Variants in CDH3 observed in about 807,000 individuals in gnomAD.
CDH3 encodes the protein cadherin-3.
CDH3 carries 54 observed loss-of-function variants against 82.0 expected under a neutral mutation model. That is an observed-to-expected ratio of 0.66 (90% CI 0.53 to 0.83). The LOEUF (loss-of-function observed/expected upper bound fraction) is 0.83, where lower values mean the gene tolerates loss of function less well. CDH3 is among the 40% of genes least tolerant of loss of function. CDH3 has a pLI of 0.00. For synonymous variants in CDH3, 446 were observed against 437.9 expected, an observed-to-expected ratio of 1.02 and a Z score of -0.23; for missense variants, 1,054 against 1,084.6, an observed-to-expected ratio of 0.97 and a Z score of 0.40.
At position 68,687,708 on chromosome 16, in the gene CDH3, C is replaced by T. The variant is rs1195535189; in HGVS notation, c.1767C>T (p.Ile589=). Residue 589 remains isoleucine (I), a synonymous_variant, in exon 12 of 16, where the codon ATC becomes ATT. Coordinates refer to ENST00000264012, the MANE Select transcript of CDH3 (RefSeq NM_001793.6). ...FQAQLTDDSD[I]YWTAEVNEEG... ...CCCAGCTCACAGATGACTCAGACATCTACTGGACGGCAGAGGTCAACGAGG... is the reference window on the plus strand; with the variant it reads ...CCCAGCTCACAGATGACTCAGACATTTACTGGACGGCAGAGGTCAACGAGG... The T allele has an allele frequency of 6.2e-6, 10 of 1,613,886 alleles. No individual in the cohort carries two copies. Among genetic ancestry groups the T allele is most frequent in the African/African-American group, 4.0e-5 (3 of 74,908 alleles).
In CDH3 at chr16:68,687,590, C is replaced by T. The variant is rs142150325; in HGVS notation, c.1649C>T (p.Pro550Leu). Residue 550 changes from proline (P) to leucine (L), a missense_variant, in exon 12 of 16, where the codon CCC becomes CTC. Transcript: ENST00000264012. ...DVNDHGPVPEPRQITICNQSP... is the reference protein window; with the variant it reads ...DVNDHGPVPELRQITICNQSP... Reference sequence around the variant, plus strand: ...AATGACCATGGCCCAGTCCCTGAGCCCCGTCAGATCACCATCTGCAACCAA... The same window carrying T: ...AATGACCATGGCCCAGTCCCTGAGCTCCGTCAGATCACCATCTGCAACCAA... 4.0e-5 allele frequency: 64 copies of T among 1,614,030 alleles called. No homozygotes were observed. The highest frequency in any genetic ancestry group is 4.7e-5 in the Non-Finnish European group (55 of 1,180,032).
At chr16:68,704,338 C>T (rs1193393289), downstream of CDH3, among the ~76,000 whole-genome samples, 1 of 151,826 alleles carries the variant, frequency 6.6e-6, no homozygotes, top group Non-Finnish European at 1.5e-5. Flanking sequence ...GGGTGCCTGG[C>T]GCACAGGATA....
rs1430631405 is a variant in CDH3 at position 68,645,658 on chromosome 16, C to T, written c.68C>T (p.Ala23Val). The stretch of plus-strand genomic sequence containing the variant: ...CAGGTTTGCTGGCTGCAGTGCGCGG[C>T]CTCCGAGCCGTGCCGGGCGGTCTTC... ...LLQVCWLQCA[A>V]SEPCRAVFRE... The change falls in exon 2 of 16, where the codon GCC becomes GTC. Residue 23 changes from alanine (A) to valine (V), a missense_variant. By Grantham distance (64) the Ala-to-Val change is moderately conservative. Coordinates refer to ENST00000264012, the MANE Select transcript of CDH3 (RefSeq NM_001793.6). 2 of 1,542,804 alleles carry T rather than the reference C, an allele frequency of 1.3e-6. No individual in the cohort carries two copies. Among genetic ancestry groups the T allele is most frequent in the African/African-American group, 1.4e-5 (1 of 72,992 alleles).
intron 2 of CDH3, among the ~76,000 whole-genome samples, chr16:68,647,480 A>G (rs16958232): frequency 0.068 from 10,324 of 152,132 alleles, 883 homozygotes; most frequent in African/African-American, 0.2. Context: ...AAACCTTTAG[A>G]GGAAATTCAG....
At chr16:68,720,511 C>T (rs749630089) in intron 1 of CDH3, among the ~76,000 whole-genome samples, 2 of 152,124 alleles carry the variant, frequency 1.3e-5, no homozygotes, top group Non-Finnish European at 2.9e-5. Context: ...TAACAAGGCA[C>T]AGACATCTAT....
chr16:68,676,390 A>G lies in CDH3; in HGVS notation c.166A>G (p.Met56Val), dbSNP rs886052228. ...EPGQALGKVF[M>V]GCPGQEPALF... Reference sequence around the variant, plus strand: ...TCTCTTCCCCTTCCCCACAGTATTCATGGGCTGCCCTGGGCAAGAGCCAGC... The same window carrying G: ...TCTCTTCCCCTTCCCCACAGTATTCGTGGGCTGCCCTGGGCAAGAGCCAGC... The change falls in exon 3 of 16, where the codon ATG becomes GTG. Residue 56 changes from methionine to valine, a missense_variant. By Grantham distance (21) the Met-to-Val change is conservative (BLOSUM62 1). Transcript: ENST00000264012. The G allele has an allele frequency of 2.7e-5, 43 of 1,612,852 alleles. No homozygotes were observed. Among genetic ancestry groups the G allele is most frequent in the Non-Finnish European group, 3.1e-5 (37 of 1,178,938 alleles).
At chr16:68,726,278 G>A (rs989559309) in intron 2 of CDH3, among the ~76,000 whole-genome samples, 3 of 152,074 alleles carry the variant, frequency 2.0e-5, no homozygotes, top group East Asian at 1.9e-4. Context: ...ATGCCCCTCT[G>A]GTTCCAGCCC....
chr16:68,698,341 G>C lies in CDH3; in HGVS notation c.2431G>C (p.Glu811Gln), dbSNP rs571691705. The change falls in exon 16 of 16, where the codon GAG becomes CAG. Residue 811 changes from glutamate to glutamine, a missense_variant. By Grantham distance (29) the Glu-to-Gln change is conservative. Transcript: ENST00000264012. The part of the protein sequence containing the change: ...DQDQDYDYLN[E>Q]WGSRFKKLAD... ...AGACCAAGATTACGATTATCTGAAC[G>C]AGTGGGGCAGCCGCTTCAAGAAGCT... 4 of 1,614,192 alleles carry C rather than the reference G, an allele frequency of 2.5e-6. No individual in the cohort carries two copies. Among genetic ancestry groups the C allele is most frequent in the South Asian group, 2.2e-5 (2 of 91,088 alleles).
intron 2 of CDH3, among the ~76,000 whole-genome samples, chr16:68,654,381 T>A (rs1035032508): frequency 2.2e-4 from 1 of 4,556 alleles, no homozygotes; most frequent in Non-Finnish European, 6.0e-4. Flanking sequence ...TTTAAATTAA[T>A]TTTTTTTTTT....
chr16:68,709,494 C>T (rs749920706), intron 1 of CDH3, among the ~76,000 whole-genome samples: 9 of 152,038 alleles, frequency 5.9e-5, no homozygotes, highest in East Asian at 1.9e-4. Context: ...GGTCTCCCTC[C>T]GTCACCCAGG....
chr16:68,675,017 G>A (rs1960990272), intron 2 of CDH3, among the ~76,000 whole-genome samples: 1 of 151,976 alleles, frequency 6.6e-6, no homozygotes, highest in South Asian at 2.1e-4. Flanking sequence ...GGAGGCTGAG[G>A]CAGAAGAATC....
chr16:68,710,395 C>T (rs1567462769), intron 1 of CDH3, among the ~76,000 whole-genome samples: 1 of 152,228 alleles, frequency 6.6e-6, no homozygotes, highest in East Asian at 1.9e-4. Context: ...TATGCCATCT[C>T]AGGGGATATT....
chr16:68,650,314 C>A (rs1430877685), intron 2 of CDH3, among the ~76,000 whole-genome samples: 1 of 151,866 alleles, frequency 6.6e-6, no homozygotes, highest in African/African-American at 2.4e-5. Context: ...TATATTTTTT[C>A]TTTTTTTGAG....
At chr16:68,695,983 A>G in intron 15 of CDH3, 60 bp downstream of exon 15, 2 of 1,580,078 alleles carry the variant, frequency 1.3e-6, no homozygotes, top group East Asian at 2.3e-5. Context: ...CCAGCCACAC[A>G]GGAGAACAAG....
chr16:68,669,178 A>C (rs569583375), intron 2 of CDH3, among the ~76,000 whole-genome samples: 5 of 152,244 alleles, frequency 3.3e-5, no homozygotes, highest in African/African-American at 1.2e-4. Context: ...CTGAGTTGTC[A>C]GATTGGGAGA....
chr16:68,717,350 C>G lies in CDH3; in HGVS notation c.100-5075C>G, dbSNP rs73557365. On this transcript the variant is annotated intron_variant, in intron 1 of 2. Coordinates refer to the CDH3 transcript ENST00000569080. Reference sequence around the variant, plus strand: ...AAGGATGTGGAGCAACTAGAAGTCTCATGCATTGCTGACGGCATTATAAAA... The same window carrying G: ...AAGGATGTGGAGCAACTAGAAGTCTGATGCATTGCTGACGGCATTATAAAA... 3.9e-3 allele frequency among the ~76,000 whole-genome samples: 591 copies of G among 152,310 alleles called. 2 individuals carry two copies. Among genetic ancestry groups the G allele is most frequent in the African/African-American group, 0.013 (534 of 41,576 alleles).
rs1421582661 is a variant in CDH3 at position 68,674,880 on chromosome 16, C to T, written c.161-1505C>T. On this transcript the variant is annotated intron_variant, in intron 2 of 15. Coordinates refer to ENST00000264012, the MANE Select transcript of CDH3 (RefSeq NM_001793.6). ...CTGTAATCCCAGCATTCTGGGAGGC[C>T]GAGGCGGTCAGATCACAAGGTCAGG... Among the ~76,000 whole-genome samples, 4 of 151,950 alleles carry T rather than the reference C, an allele frequency of 2.6e-5. No individual in the cohort carries two copies. In the South Asian group the frequency reaches 6.2e-4, roughly 24 times the overall value.
chr16:68,684,649 G>T lies in CDH3; in HGVS notation c.1249G>T (p.Val417Leu). Residue 417 changes from valine (V) to leucine (L), a missense_variant, in exon 10 of 16, where the codon GTG becomes TTG. Coordinates refer to ENST00000264012, the MANE Select transcript of CDH3 (RefSeq NM_001793.6). The stretch of plus-strand genomic sequence containing the variant: ...TGAAGTGACCAACGAGGCCCCTTTT[G>T]TGCTGAAGCTCCCAACCTCCACAGC... The part of the protein sequence containing the change: ...YVEVTNEAPF[V>L]LKLPTSTATI... 6.2e-7 allele frequency: 1 copy of T among 1,614,198 alleles called. No homozygotes were observed. The highest frequency in any genetic ancestry group is 1.3e-5 in the African/African-American group (1 of 75,056).
chr16:68,685,608 C>T (rs539458239), intron 11 of CDH3, among the ~76,000 whole-genome samples: 2 of 152,108 alleles, frequency 1.3e-5, no homozygotes, highest in African/African-American at 4.8e-5. Context: ...GGGTTCGAGA[C>T]CAGCCTGGCC....
Sources: allele counts gnomAD v4.1 joint callset (sites outside exome capture counted in the v4.1 genomes callset), GRCh38; gene constraint gnomAD v4.1.1; transcripts MANE v1.5; gene names NCBI Gene and HGNC (gene_info 2026-07-23, HGNC 2026-07-21).